The following DICER1 variants were observed in gnomAD, a reference collection of about 807,000 sequenced individuals.
DICER1 encodes endoribonuclease Dicer.
In DICER1, 43 loss-of-function variants were observed where a neutral mutation model predicts 194.1. That is an observed-to-expected ratio of 0.22 (90% confidence interval 0.17 to 0.29). DICER1 has a LOEUF of 0.29. DICER1 is among the 10% of genes least tolerant of loss of function. The pLI is 1.00. For synonymous variants in DICER1, 832 were observed against 820.5 expected (o/e 1.01, Z -0.24); for missense variants, 1,608 against 2,317.0 (o/e 0.69, Z 6.28).
Position 95,132,561 on chromosome 14 carries a change from T to C in DICER1, c.261A>G (p.Gly87=). 1 of 1,614,038 alleles carries C rather than the reference T, an allele frequency of 6.2e-7. No individual in the cohort carries two copies. Among genetic ancestry groups the C allele is most frequent in the Non-Finnish European group, 8.5e-7 (1 of 1,179,950 alleles). The change falls in exon 3 of 27, where the codon GGA becomes GGG. Residue 87 remains glycine, a synonymous_variant. Coordinates refer to ENST00000343455, the MANE Select transcript of DICER1 (RefSeq NM_177438.3). ...LTKELSYQIR[G]DFSRNGKRTV... ...TCCTTTTTCCATTTCTGCTGAAGTC[T>C]CCCCTGATCTGATAGGACAGCTCTT...
At chr14:95,115,163 T>C (rs1892324590) in intron 11 of DICER1, among the ~76,000 whole-genome samples, 1 of 152,240 alleles carries the variant, frequency 6.6e-6, no homozygotes, top group Non-Finnish European at 1.5e-5. Flanking sequence ...GAAAATCTTA[T>C]ACTTGCTCTT....
intron 1 of DICER1, among the ~76,000 whole-genome samples, chr14:95,150,972 T>A (rs987406545): frequency 1.3e-5 from 2 of 152,184 alleles, no homozygotes; most frequent in Non-Finnish European, 2.9e-5. Flanking sequence ...CTAGAGATCC[T>A]CCTGCCTTGG....
chr14:95,091,180 T>C, intron 25 of DICER1, 23 bp downstream of exon 25: 1 of 1,614,170 alleles, frequency 6.2e-7, no homozygotes, highest in Non-Finnish European at 8.5e-7. Context: ...GGTTTTTTTC[T>C]TTCTAAAGGG....
intron 1 of DICER1, among the ~76,000 whole-genome samples, chr14:95,137,247 AAG>A (rs1210832612): frequency 6.8e-6 from 1 of 147,134 alleles, no homozygotes; most frequent in Non-Finnish European, 1.5e-5. Context: ...GAGGAAGAGA[AAG>A]GGGAAATAAA....
intron 14 of DICER1, among the ~76,000 whole-genome samples, chr14:95,109,430 C>T (rs573935852): frequency 1.4e-4 from 22 of 152,314 alleles, no homozygotes; most frequent in African/African-American, 5.3e-4. Flanking sequence ...GACAAGGTCT[C>T]ACTATGTTGA....
In DICER1 at chr14:95,116,698, G is replaced by GA. The variant is rs546524688; in HGVS notation, c.1510-4dup. The GA allele has an allele frequency of 1.4e-3, 2,181 of 1,529,938 alleles. 6 individuals are homozygous for GA. Among genetic ancestry groups the GA allele is most frequent in the African/African-American group, 0.013 (935 of 71,244 alleles). 94.8% of individuals were successfully genotyped at this position (1,529,938 alleles called of 1,614,324 possible). A position where few individuals can be genotyped will look rare whatever the true frequency, so the allele number is the denominator to read the frequency against. On this transcript the variant is annotated splice_region_variant and splice_polypyrimidine_tract_variant and intron_variant, in intron 9 of 26. Coordinates refer to ENST00000343455, the MANE Select transcript of DICER1 (RefSeq NM_177438.3). ...TGTGCTCGAAATTTCCTAAGTACCT[G>GA]AAAAAAAAAATCCACCAAGAAAAGC...
At chr14:95,127,326 G>A (rs1893559949) in intron 6 of DICER1, among the ~76,000 whole-genome samples, 1 of 152,134 alleles carries the variant, frequency 6.6e-6, no homozygotes. Context: ...AATATAAAAG[G>A]CAGGCTTACA....
intron 1 of DICER1, among the ~76,000 whole-genome samples, chr14:95,137,484 A>AGGGAAGGGGAAGGGAAAGGGGAAG (rs1277507197): frequency 1.1e-5 from 1 of 89,496 alleles, no homozygotes; most frequent in Non-Finnish European, 2.1e-5. Context: ...GAATGGGGAT[A>AGGGAAGGGGAAGGGAAAGGGGAAG]GGGAAGGGGA....
chr14:95,156,578 C>T (rs1895883303), intron 1 of DICER1, among the ~76,000 whole-genome samples: 1 of 152,226 alleles, frequency 6.6e-6, no homozygotes, highest in Non-Finnish European at 1.5e-5. Flanking sequence ...TTAAAACATA[C>T]ACTGATTTCC....
chr14:95,111,383 A>G lies in DICER1; in HGVS notation c.2190T>C (p.Asp730=). The part of the protein sequence containing the change: ...VKYEEELDLH[D]EEETSVPGRP... ...TTCCTGGAACACTGGTCTCTTCTTCATCATGCAAATCAAGCTCCTCTTCAT... is the reference window on the plus strand; with the variant it reads ...TTCCTGGAACACTGGTCTCTTCTTCGTCATGCAAATCAAGCTCCTCTTCAT... Residue 730 remains aspartate, a synonymous_variant, in exon 14 of 27, where the codon GAT becomes GAC. Coordinates refer to ENST00000343455, the MANE Select transcript of DICER1 (RefSeq NM_177438.3). The G allele has an allele frequency of 6.2e-7, 1 of 1,614,188 alleles. No individual in the cohort carries two copies.
intron 1 of DICER1, chr14:95,138,073 A>G (rs1427960718): frequency 6.5e-6 from 1 of 154,494 alleles, no homozygotes; most frequent in East Asian, 1.9e-4. Context: ...TTTCACCTCA[A>G]GACACCAACC....
At chr14:95,092,610 C>T (rs1294603527) in intron 24 of DICER1, among the ~76,000 whole-genome samples, 1 of 151,958 alleles carries the variant, frequency 6.6e-6, no homozygotes, top group Non-Finnish European at 1.5e-5. Context: ...AAACGGAGGC[C>T]CAGAGAGGTA....
At position 95,108,523 on chromosome 14, in the gene DICER1, T is replaced by C. The variant is rs753229532; in HGVS notation, c.2257-20A>G. 61 of 1,609,986 alleles carry C rather than the reference T, an allele frequency of 3.8e-5. No individual in the cohort carries two copies. The highest frequency in any genetic ancestry group is 4.9e-5 in the Non-Finnish European group (58 of 1,176,332). ...TGGAATCTAGAGTTGGAAAGGAAAA[T>C]TAAGCGTCATGCTCAAGCATATTAG... On this transcript the variant is annotated intron_variant, in intron 14 of 26. Coordinates refer to ENST00000343455, the MANE Select transcript of DICER1 (RefSeq NM_177438.3).
intron 1 of DICER1, 109 bp from the exon 2 acceptor site, chr14:95,133,612 T>A: frequency 1.2e-6 from 1 of 838,274 alleles, no homozygotes; most frequent in Non-Finnish European, 1.9e-6. Flanking sequence ...CCATTCAAAC[T>A]CTTCCTATAA....
chr14:95,108,573 AAAC>A (rs1182034567), intron 14 of DICER1, 70 bp from the exon 15 acceptor site: 2 of 1,381,906 alleles, frequency 1.4e-6, no homozygotes, highest in African/African-American at 1.4e-5. Flanking sequence ...GTCAGCAAGA[AAAC>A]AAATTAATTC....
At position 95,105,011 on chromosome 14, in the gene DICER1, G is replaced by A. The variant is rs1013876487; in HGVS notation, c.3269+60C>T. On this transcript the variant is annotated intron_variant, in intron 20 of 26. Transcript: ENST00000343455. This position sits in a 1 kb window ranked among gnomAD's most constrained non-coding sequence, Gnocchi z 4.9. ...TTATATACAATTTTAACTTAATTCTGTTCTTTTGCAAACAGGATCTCATGA... is the reference window on the plus strand; with the variant it reads ...TTATATACAATTTTAACTTAATTCTATTCTTTTGCAAACAGGATCTCATGA... 2 of 1,499,384 alleles carry A rather than the reference G, an allele frequency of 1.3e-6. No homozygotes were observed. Among genetic ancestry groups the A allele is most frequent in the African/African-American group, 2.8e-5 (2 of 72,590 alleles). The allele number at this position is 1,499,384 out of a possible 1,614,324, so 92.9% of individuals were successfully genotyped here.
chr14:95,090,107 C>G lies in DICER1; in HGVS notation c.*391G>C, dbSNP rs868741469. ...AGAGATGGAGAAGAATCTACATCATCCTAGGGACTGCTGGAGGTTTAAGCT... is the reference window on the plus strand; with the variant it reads ...AGAGATGGAGAAGAATCTACATCATGCTAGGGACTGCTGGAGGTTTAAGCT... On this transcript the variant is annotated 3_prime_UTR_variant, in exon 27 of 27. Coordinates refer to ENST00000343455, the MANE Select transcript of DICER1 (RefSeq NM_177438.3). 1.5e-5 allele frequency: 6 copies of G among 388,024 alleles called. No homozygotes were observed. Among genetic ancestry groups the G allele is most frequent in the South Asian group, 8.4e-5 (3 of 35,706 alleles). The allele number at this position is 388,024 out of a possible 1,614,324, so 24.0% of individuals were successfully genotyped here.
Position 95,156,514 on chromosome 14 carries a change from C to G in DICER1, c.-46+716G>C, listed in dbSNP as rs564110909. Among the ~76,000 whole-genome samples the G allele has an allele frequency of 2.6e-5, 4 of 152,328 alleles. No individual in the cohort carries two copies. The South Asian group carries it at 8.3e-4, about 32-fold the overall frequency. ...TGCTGGCTCTGACCTCCAGGCAGAG[C>G]CATCAGGGCAACTCAGCTTTTCTGG... On this transcript the variant is annotated intron_variant, in intron 1 of 26. Coordinates refer to ENST00000343455, the MANE Select transcript of DICER1 (RefSeq NM_177438.3).
At chr14:95,152,390 CTG>C (rs1378895437) in intron 1 of DICER1, among the ~76,000 whole-genome samples, 2 of 152,228 alleles carry the variant, frequency 1.3e-5, no homozygotes, top group African/African-American at 2.4e-5. Context: ...CCCCACAAAA[CTG>C]TGTTAGCTTC....
Sources: allele counts gnomAD v4.1 joint callset (sites outside exome capture counted in the v4.1 genomes callset), GRCh38; gene constraint gnomAD v4.1.1; non-coding constraint Gnocchi (gnomAD v3.1); transcripts MANE v1.5; gene names NCBI Gene and HGNC (gene_info 2026-07-23, HGNC 2026-07-21).